Variants in KLHL17 observed in about 807,000 individuals in gnomAD.
KLHL17 encodes the protein kelch-like protein 17.
KLHL17 carries 71 observed loss-of-function variants against 64.6 expected under a neutral mutation model. That is an observed-to-expected ratio of 1.10 (90% confidence interval 0.91 to 1.34). The LOEUF is 1.34. Ranked by LOEUF, KLHL17 falls within the 40% of genes most tolerant of loss-of-function variation. KLHL17 has a pLI of 0.00. For missense variants in KLHL17, 1,140 were observed against 935.0 expected (o/e 1.22, Z -2.86); for synonymous variants, 612 against 405.4 (o/e 1.51, Z -6.12).
In KLHL17 at chr1:965,068, C is replaced by T. The variant is rs199568695; in HGVS notation, c.1806C>T (p.Asn602=). ...TCGAGAAGTACAACCCGAGGACCAA[C>T]AAGTGGGTGGCCGCATCCTGCATGT... ...NSIEKYNPRT[N]KWVAASCMFT... Residue 602 remains asparagine (N), a synonymous_variant, in exon 12 of 12, where the codon AAC becomes AAT. Coordinates refer to ENST00000338591, the MANE Select transcript of KLHL17 (RefSeq NM_198317.3). 5.6e-6 allele frequency: 9 copies of T among 1,612,580 alleles called. No homozygotes were observed. The highest frequency in any genetic ancestry group is 7.6e-6 in the Non-Finnish European group (9 of 1,179,826).
At chr1:964,205 A>AC (rs756147497) in intron 10 of KLHL17, 25 bp downstream of exon 10, 1,480 of 1,611,170 alleles carry the variant, frequency 9.2e-4, no homozygotes, top group Non-Finnish European at 1.2e-3. Flanking sequence ...CCTCCTGGCC[A>AC]CCCCCTCCCG....
intron 7 of KLHL17, 38 bp from the exon 8 acceptor site, chr1:963,299 C>G: frequency 6.3e-7 from 1 of 1,599,806 alleles, no homozygotes; most frequent in South Asian, 1.1e-5. Flanking sequence ...ACGTGCCCGC[C>G]AGGCCAGTCT....
At position 962,860 on chromosome 1, in the gene KLHL17, A is replaced by G. The variant is rs768758634; in HGVS notation, c.985A>G (p.Thr329Ala). The change falls in exon 6 of 12, where the codon ACC becomes GCC. Residue 329 changes from threonine to alanine, a missense_variant. Transcript: ENST00000338591. ...LLPEQRGVLGTSRTRPRRCEG... is the reference protein window; with the variant it reads ...LLPEQRGVLGASRTRPRRCEG... Reference sequence around the variant, plus strand: ...GCCTGAGCAGAGGGGCGTCCTAGGCACCAGCCGCACACGTCCCCGGCGCTG... The same window carrying G: ...GCCTGAGCAGAGGGGCGTCCTAGGCGCCAGCCGCACACGTCCCCGGCGCTG... 3.1e-6 allele frequency: 5 copies of G among 1,590,652 alleles called. No individual in the cohort carries two copies. The highest frequency in any genetic ancestry group is 3.4e-6 in the Non-Finnish European group (4 of 1,172,608).
At chr1:963,088 G>A (rs763343076) in intron 6 of KLHL17, 21 bp from the exon 7 acceptor site, 17 of 1,608,918 alleles carry the variant, frequency 1.1e-5, no homozygotes, top group Admixed American at 3.3e-5. Context: ...CACGAGTCCC[G>A]TCTCCACCTG....
chr1:964,054 C>T (rs184303997), intron 9 of KLHL17, 46 bp downstream of exon 9: 183 of 1,612,422 alleles, frequency 1.1e-4, no homozygotes, highest in Admixed American at 6.8e-4. Context: ...CTTCCCCCAC[C>T]GTGGAGACCC....
Position 962,769 on chromosome 1 carries a change from G to A in KLHL17, c.894G>A (p.Glu298=), listed in dbSNP as rs1399479632. 6.2e-7 allele frequency: 1 copy of A among 1,611,210 alleles called. No homozygotes were observed. The highest frequency in any genetic ancestry group is 1.1e-5 in the South Asian group (1 of 91,060). ...RDFLLGHVDA[E]SLVRHHPDCK... ...TCCTGCTGGGCCACGTGGATGCCGA[G>A]AGCCTGGTGAGGCACCACCCTGACT... is the stretch of plus-strand genomic sequence containing the variant. The change falls in exon 6 of 12, where the codon GAG becomes GAA. Residue 298 remains glutamate (E), a synonymous_variant. Transcript: ENST00000338591.
rs540170304 is a variant in KLHL17 at position 962,984 on chromosome 1, C to T, written c.1042+67C>T. 157 of 1,514,980 alleles carry T rather than the reference C, an allele frequency of 1.0e-4. No homozygotes were observed. The African/African-American group carries it at 1.5e-3, about 15-fold the overall frequency. 93.8% of individuals were successfully genotyped at this position (1,514,980 alleles called of 1,614,324 possible). ...ACTCCCCACCAGCACAAGCCCACCCCACCTGTGCCGGTCAGGTCCTGACCT... is the reference window on the plus strand; with the variant it reads ...ACTCCCCACCAGCACAAGCCCACCCTACCTGTGCCGGTCAGGTCCTGACCT... On this transcript the variant is annotated intron_variant, in intron 6 of 11. Transcript: ENST00000338591.
rs371026821 is a variant in KLHL17 at position 965,223 on chromosome 1, A to T, written c.*32A>T. On this transcript the variant is annotated 3_prime_UTR_variant, in exon 12 of 12. Coordinates refer to ENST00000338591, the MANE Select transcript of KLHL17 (RefSeq NM_198317.3). ...TACCACCAGAGGCCTGCAGCCTCCC[A>T]CATGCCTTAAGGGGACCGTGGCCCC... The T allele has an allele frequency of 6.3e-7, 1 of 1,594,794 alleles. No homozygotes were observed. Among genetic ancestry groups the T allele is most frequent in the African/African-American group, 1.3e-5 (1 of 74,570 alleles).
At chr1:960,862 G>T (rs1642607450) in intron 1 of KLHL17, 62 bp downstream of exon 1, 2 of 969,784 alleles carry the variant, frequency 2.1e-6, no homozygotes, top group Admixed American at 6.1e-5. Context: ...CCCCGCCCTC[G>T]CGTCCGCTCG....
rs370574033 is a variant in KLHL17, at chr1:963,902, C to T, written c.1356-18C>T. 87 of 1,610,548 alleles carry T rather than the reference C, an allele frequency of 5.4e-5. No individual in the cohort carries two copies. The African/African-American group carries it at 7.5e-4, about 14-fold the overall frequency. ...TTCTGTCTCTGCTGAGCTGTGGCTGCGGTCCTGGTGCCCACAGTGCTGAAC... is the reference window on the plus strand; with the variant it reads ...TTCTGTCTCTGCTGAGCTGTGGCTGTGGTCCTGGTGCCCACAGTGCTGAAC... On this transcript the variant is annotated intron_variant, in intron 8 of 11. Transcript: ENST00000338591.
At chr1:962,284 A>G in intron 4 of KLHL17, 71 bp from the exon 5 acceptor site, 1 of 1,606,716 alleles carries the variant, frequency 6.2e-7, no homozygotes. Context: ...CCTCCCTCCT[A>G]GGCATCTTCA....
chr1:961,226 C>G, intron 1 of KLHL17, 67 bp from the exon 2 acceptor site: 4 of 1,186,432 alleles, frequency 3.4e-6, no homozygotes, highest in South Asian at 3.8e-5. Context: ...TGCCCGGGCC[C>G]CCCAGCGGCT....
Position 962,972 on chromosome 1 carries a change from A to G in KLHL17, c.1042+55A>G, listed in dbSNP as rs1642728758. 2.0e-6 allele frequency: 3 copies of G among 1,515,538 alleles called. No homozygotes were observed. The South Asian group carries it at 3.8e-5, about 19-fold the overall frequency. The allele number at this position is 1,515,538 out of a possible 1,614,324, so 93.9% of individuals were successfully genotyped here. On this transcript the variant is annotated intron_variant, in intron 6 of 11. Coordinates refer to ENST00000338591, the MANE Select transcript of KLHL17 (RefSeq NM_198317.3). ...CCTGTGCCTTCTACTCCCCACCAGC[A>G]CAAGCCCACCCCACCTGTGCCGGTC...
Position 963,198 on chromosome 1 carries a change from C to T in KLHL17, c.1132C>T (p.Arg378Cys), listed in dbSNP as rs781073623. The T allele has an allele frequency of 3.7e-5, 59 of 1,608,192 alleles. No individual in the cohort carries two copies. Among genetic ancestry groups the T allele is most frequent in the East Asian group, 2.7e-4 (12 of 44,744 alleles). The change falls in exon 7 of 12, where the codon CGC becomes TGC. Residue 378 changes from arginine (R) to cysteine (C), a missense_variant. By Grantham distance (180) the Arg-to-Cys change is radical (BLOSUM62 -3). Coordinates refer to ENST00000338591, the MANE Select transcript of KLHL17 (RefSeq NM_198317.3). ...GCACGTGGTGGCCTCCATGTCCACG[C>T]GCCGGGCCCGGGTGGGAGTGGCTGC... ...RWHVVASMST[R>C]RARVGVAAVG...
In KLHL17 at chr1:964,115, C is replaced by G. The variant is rs199984918; in HGVS notation, c.1453C>G (p.Leu485Val). ...GTGTTGACTTCCGGCAGATGGGAACCTGTATGCTGTGGGCGGCTACGACAG... is the reference window on the plus strand; with the variant it reads ...GTGTTGACTTCCGGCAGATGGGAACGTGTATGCTGTGGGCGGCTACGACAG... ...YVRVATLDGN[L>V]YAVGGYDSSS... The change falls in exon 10 of 12, where the codon CTG becomes GTG. Residue 485 changes from leucine to valine, a missense_variant. Leu to Val is a conservative substitution (Grantham distance 32). Transcript: ENST00000338591. 5 of 1,612,732 alleles carry G rather than the reference C, an allele frequency of 3.1e-6. No individual in the cohort carries two copies. Among genetic ancestry groups the G allele is most frequent in the Non-Finnish European group, 1.7e-6 (2 of 1,179,924 alleles).
rs1318804018 is a variant in KLHL17 at position 961,333 on chromosome 1, G to A, written c.148G>A (p.Ala50Thr). Residue 50 changes from alanine (A) to threonine (T), a missense_variant, in exon 2 of 12, where the codon GCA becomes ACA. Coordinates refer to ENST00000338591, the MANE Select transcript of KLHL17 (RefSeq NM_198317.3). ...ERTRPRQARP[A>T]APMEGAVQLL... ...CACGCGGCCCCGGCAGGCTCGGCCC[G>A]CAGCCCCCATGGAGGGAGCCGTGCA... 23 of 1,550,794 alleles carry A rather than the reference G, an allele frequency of 1.5e-5. No individual in the cohort carries two copies. Among genetic ancestry groups the A allele is most frequent in the Non-Finnish European group, 1.8e-5 (21 of 1,153,360 alleles).
chr1:963,786 G>A, intron 8 of KLHL17, 134 bp from the exon 9 acceptor site: 1 of 1,082,740 alleles, frequency 9.2e-7, no homozygotes, highest in Admixed American at 1.8e-5. Flanking sequence ...AGCGGGCCCT[G>A]CCTGGTAGGA....
chr1:962,553 C>T, intron 5 of KLHL17, 82 bp downstream of exon 5: 10 of 1,565,190 alleles, frequency 6.4e-6, no homozygotes, highest in Non-Finnish European at 8.7e-6. Context: ...CTGACCTTCC[C>T]CGAGTTCAGG....
intron 5 of KLHL17, 36 bp from the exon 6 acceptor site, chr1:962,668 G>T: frequency 6.4e-7 from 1 of 1,552,198 alleles, no homozygotes. Flanking sequence ...GTGTGCCCGA[G>T]GGTCCCGCCT....
Sources: gnomAD v4.1 joint callset for allele counts on GRCh38, gnomAD v4.1.1 for gene constraint, MANE v1.5 for transcripts, NCBI Gene and HGNC (gene_info 2026-07-23, HGNC 2026-07-21) for gene names.